HSF2BP: variants seen among roughly 807,000 people sequenced by gnomAD.
The protein encoded by HSF2BP is heat shock transcription factor 2 binding protein, also known as heat shock factor 2-binding protein.
HSF2BP carries 35 observed loss-of-function variants against 35.0 expected under a neutral mutation model. The observed-to-expected ratio is 1.00, with a 90% confidence interval of 0.76 to 1.32. The LOEUF (loss-of-function observed/expected upper bound fraction) is 1.32, where lower values mean the gene tolerates loss of function less well. HSF2BP is among the 40% of genes most tolerant of loss of function. The probability of loss-of-function intolerance (pLI) is 0.00; values close to 1 mark genes in which losing one functional copy is unlikely to be tolerated. For synonymous variants in HSF2BP, 114 were observed against 117.4 expected (o/e 0.97, Z 0.18); for missense variants, 326 against 321.7 (o/e 1.01, Z -0.10).
At chr21:43,644,454 T>A in intron 3 of HSF2BP, 62 bp from the exon 4 acceptor site, 1 of 1,335,032 alleles carries the variant, frequency 7.5e-7, no homozygotes, top group Non-Finnish European at 1.1e-6. Flanking sequence ...CCTAAGCATC[T>A]ATTTTGCCCA....
At chr21:43,571,956 A>T (rs967480323) in intron 8 of HSF2BP, among the ~76,000 whole-genome samples, 1 of 152,076 alleles carries the variant, frequency 6.6e-6, no homozygotes, top group Non-Finnish European at 1.5e-5. Context: ...CTAGGTCCAA[A>T]GCCGAGGGAA....
At chr21:43,651,098 A>G (rs1458799421) in intron 3 of HSF2BP, among the ~76,000 whole-genome samples, 4 of 152,224 alleles carry the variant, frequency 2.6e-5, no homozygotes, top group Non-Finnish European at 5.9e-5. Context: ...CCGAGCCAGA[A>G]GCTAAGCTGC....
intron 7 of HSF2BP, among the ~76,000 whole-genome samples, chr21:43,601,998 C>T (rs946078776): frequency 1.3e-5 from 2 of 152,118 alleles, no homozygotes; most frequent in Non-Finnish European, 2.9e-5. Context: ...AAAAAGGGAT[C>T]GGGCCACCAA....
chr21:43,620,715 C>A (rs776905589), intron 6 of HSF2BP, among the ~76,000 whole-genome samples: 6 of 151,896 alleles, frequency 4.0e-5, no homozygotes, highest in Non-Finnish European at 5.9e-5. Context: ...ACATCATCAT[C>A]ATCATCATCA....
At chr21:43,640,684 A>T (rs2082624135) in intron 4 of HSF2BP, among the ~76,000 whole-genome samples, 1 of 152,234 alleles carries the variant, frequency 6.6e-6, no homozygotes, top group Non-Finnish European at 1.5e-5. Context: ...CACTAGGGAA[A>T]ACCGGGTGAA....
intron 3 of HSF2BP, among the ~76,000 whole-genome samples, chr21:43,653,750 G>A (rs905565844): frequency 6.6e-5 from 10 of 152,228 alleles, no homozygotes; most frequent in Admixed American, 2.6e-4. Context: ...CTGAGGGACT[G>A]GAGAGTGGCA....
At chr21:43,618,688 G>A (rs1000067629) in intron 6 of HSF2BP, among the ~76,000 whole-genome samples, 77 of 152,058 alleles carry the variant, frequency 5.1e-4, no homozygotes, top group Admixed American at 1.5e-3. Flanking sequence ...TGTAATCCCA[G>A]TACTTTGGGA....
At chr21:43,604,072 G>A (rs899151105) in intron 7 of HSF2BP, among the ~76,000 whole-genome samples, 4 of 152,062 alleles carry the variant, frequency 2.6e-5, no homozygotes, top group Admixed American at 2.0e-4. Context: ...AAGGGCAGCC[G>A]TGGCCTGGGA....
chr21:43,657,866 T>C (rs562443335), intron 2 of HSF2BP, 195 bp downstream of exon 2: 51 of 985,474 alleles, frequency 5.2e-5, no homozygotes, highest in Non-Finnish European at 5.5e-5. Context: ...CCGCGTGGGT[T>C]TGGAGGCGAA....
intron 7 of HSF2BP, among the ~76,000 whole-genome samples, chr21:43,607,859 T>C (rs187977227): frequency 1.3e-5 from 2 of 152,358 alleles, no homozygotes; most frequent in East Asian, 1.9e-4. Context: ...GGACTCCCTG[T>C]TCAATAAATG....
At chr21:43,642,480 T>C (rs540653525) in intron 4 of HSF2BP, among the ~76,000 whole-genome samples, 2 of 152,276 alleles carry the variant, frequency 1.3e-5, no homozygotes, top group South Asian at 4.2e-4. Context: ...GAAATGGCCT[T>C]GTTACAGCAA....
At chr21:43,592,423 G>A (rs1236314111) in intron 7 of HSF2BP, 95 bp from the exon 8 acceptor site, 6 of 747,602 alleles carry the variant, frequency 8.0e-6, no homozygotes, top group Non-Finnish European at 1.4e-5. Context: ...AACGTATTTA[G>A]AGCTTCCCTC....
chr21:43,629,514 G>A (rs556757381), intron 6 of HSF2BP, among the ~76,000 whole-genome samples: 15 of 152,330 alleles, frequency 9.8e-5, no homozygotes, highest in African/African-American at 2.6e-4. Flanking sequence ...GCAGTGAGCC[G>A]AGATCACGCC....
rs183463066 is a variant in HSF2BP at position 43,601,708 on chromosome 21, A to G, written c.693-9380T>C. ...GCTGTACCACCTGGAAATAATACAC[A>G]TTAGTTCACAGGCCCCAAATGACTT... On this transcript the variant is annotated intron_variant, in intron 7 of 8. Transcript: ENST00000291560. Among the ~76,000 whole-genome samples the G allele has an allele frequency of 2.2e-4, 33 of 152,336 alleles. 2 individuals carry two copies. Among genetic ancestry groups the G allele is most frequent in the Admixed American group, 2.0e-3 (30 of 15,308 alleles).
intron 8 of HSF2BP, among the ~76,000 whole-genome samples, chr21:43,575,119 C>T (rs1340900273): frequency 6.6e-6 from 1 of 152,222 alleles, no homozygotes. Context: ...AGAAATGGAA[C>T]TCAAAATGTT....
chr21:43,622,825 C>T (rs2082346015), intron 6 of HSF2BP, among the ~76,000 whole-genome samples: 1 of 152,152 alleles, frequency 6.6e-6, no homozygotes, highest in Non-Finnish European at 1.5e-5. Context: ...ACCAAATAGA[C>T]CTGAATCTTT....
chr21:43,587,771 A>C (rs2081874338), intron 8 of HSF2BP, among the ~76,000 whole-genome samples: 1 of 152,120 alleles, frequency 6.6e-6, no homozygotes, highest in Admixed American at 6.5e-5. Context: ...CATAAGCCAA[A>C]GCTTAAGCAG....
At chr21:43,640,634 C>T (rs2082623365) in intron 4 of HSF2BP, among the ~76,000 whole-genome samples, 1 of 152,192 alleles carries the variant, frequency 6.6e-6, no homozygotes, top group Admixed American at 6.5e-5. Flanking sequence ...ATTCCAATTT[C>T]CTGGTTTTTA....
At chr21:43,657,649 G>T (rs966592780) in intron 2 of HSF2BP, among the ~76,000 whole-genome samples, 2 of 152,236 alleles carry the variant, frequency 1.3e-5, no homozygotes, top group African/African-American at 2.4e-5. Context: ...CTTCTCCATC[G>T]CATGCAATCA....
Sources: gnomAD v4.1 joint callset for allele counts (sites outside exome capture counted in the v4.1 genomes callset) on GRCh38, gnomAD v4.1.1 for gene constraint, MANE v1.5 for transcripts, NCBI Gene and HGNC (gene_info 2026-07-23, HGNC 2026-07-21) for gene names.